Variants in TULP4 observed in about 807,000 individuals in gnomAD.
TULP4 encodes TUB like protein 4.
In TULP4, 16 loss-of-function variants were observed where a neutral mutation model predicts 129.0. The ratio of observed to expected loss-of-function variants is 0.12; its 90% CI spans 0.08 to 0.19. The LOEUF (loss-of-function observed/expected upper bound fraction) is 0.19, where lower values mean the gene tolerates loss of function less well. TULP4 is among the 10% of genes least tolerant of loss of function. The probability of loss-of-function intolerance (pLI) is 1.00; values close to 1 mark genes in which losing one functional copy is unlikely to be tolerated. For missense variants in TULP4, 1,842 were observed against 2,059.1 expected (o/e 0.89, Z 2.04); for synonymous variants, 998 against 854.0 (o/e 1.17, Z -2.94).
At chr6:158,411,761 G>T (rs1320803858) in intron 1 of TULP4, among the ~76,000 whole-genome samples, 1 of 152,148 alleles carries the variant, frequency 6.6e-6, no homozygotes, top group Non-Finnish European at 1.5e-5. Flanking sequence ...CTAAAATCAG[G>T]TGTGTCCATG....
intron 1 of TULP4, among the ~76,000 whole-genome samples, chr6:158,255,199 G>A (rs1490809203): frequency 6.6e-6 from 1 of 152,178 alleles, no homozygotes; most frequent in African/African-American, 2.4e-5. Context: ...GGTGTTGCTG[G>A]AGGGGGCTTT....
At chr6:158,235,284 C>T (rs1732949812) in intron 1 of TULP4, among the ~76,000 whole-genome samples, 1 of 152,118 alleles carries the variant, frequency 6.6e-6, no homozygotes, top group Admixed American at 6.5e-5. Flanking sequence ...TGTTCAGATT[C>T]CCAAACTGAA....
chr6:158,315,911 C>G (rs530741755), intron 1 of TULP4, among the ~76,000 whole-genome samples: 1 of 152,348 alleles, frequency 6.6e-6, no homozygotes, highest in African/African-American at 2.4e-5. Flanking sequence ...GGTCCCACCT[C>G]TTGATACCAC....
At chr6:158,346,144 C>T (rs543489702) in intron 1 of TULP4, among the ~76,000 whole-genome samples, 1 of 152,238 alleles carries the variant, frequency 6.6e-6, no homozygotes, top group African/African-American at 2.4e-5. Context: ...TTTCAAGGTG[C>T]ACTGATTTCA....
intron 1 of TULP4, among the ~76,000 whole-genome samples, chr6:158,298,800 A>G (rs1288243836): frequency 6.6e-6 from 1 of 152,208 alleles, no homozygotes; most frequent in Non-Finnish European, 1.5e-5. Context: ...ACTGAGGGAG[A>G]GGAGCGGCAG....
chr6:158,378,485 T>TTTTGG (rs1554285635), intron 1 of TULP4, among the ~76,000 whole-genome samples: 15 of 51,402 alleles, frequency 2.9e-4, no homozygotes, highest in Non-Finnish European at 4.7e-4. Context: ...TTTTTTTTTT[T>TTTTGG]GGTGGGGGTG....
intron 3 of TULP4, among the ~76,000 whole-genome samples, chr6:158,441,859 G>A (rs1470040950): frequency 6.6e-6 from 1 of 152,126 alleles, no homozygotes; most frequent in Non-Finnish European, 1.5e-5. Flanking sequence ...GCTCTCTTAC[G>A]TTCCTGCCTG....
chr6:158,275,433 A>C (rs1437899593), intron 1 of TULP4, among the ~76,000 whole-genome samples: 5 of 152,204 alleles, frequency 3.3e-5, no homozygotes, highest in Admixed American at 6.5e-5. Context: ...GGGAGATGGT[A>C]ATCTTCAAGG....
intron 1 of TULP4, among the ~76,000 whole-genome samples, chr6:158,331,780 C>CGTGT (rs1450332063): frequency 1.8e-4 from 8 of 45,390 alleles, no homozygotes; most frequent in African/African-American, 2.6e-4. Flanking sequence ...CGTATATATA[C>CGTGT]ACACACACAT....
intron 6 of TULP4, among the ~76,000 whole-genome samples, chr6:158,477,288 G>A (rs910171374): frequency 2.0e-5 from 3 of 152,132 alleles, no homozygotes; most frequent in Admixed American, 6.6e-5. Context: ...AGCAGAACTA[G>A]GAGGGAGGAG....
intron 11 of TULP4, among the ~76,000 whole-genome samples, chr6:158,495,111 A>G (rs555525497): frequency 1.1e-3 from 168 of 151,612 alleles, no homozygotes; most frequent in Admixed American, 2.5e-3. Flanking sequence ...GCTGGAGTAT[A>G]GTGACACGAT....
chr6:158,434,096 T>C (rs1281254340), intron 3 of TULP4, among the ~76,000 whole-genome samples: 1 of 152,206 alleles, frequency 6.6e-6, no homozygotes, highest in Non-Finnish European at 1.5e-5. Context: ...TCTCTTCCTC[T>C]TCCTGTAAGG....
chr6:158,232,394 T>G (rs1777612860), intron 1 of TULP4: 1 of 145,160 alleles, frequency 6.9e-6, no homozygotes, highest in Non-Finnish European at 1.5e-5. Flanking sequence ...CGGGCGTGTG[T>G]GCCCCTGCGG....
At chr6:158,237,846 T>C in intron 1 of TULP4, 1 of 754,814 alleles carries the variant, frequency 1.3e-6, no homozygotes, top group Non-Finnish European at 2.5e-6. Context: ...GAGCTGTGCC[T>C]TTCTCTGGAT....
At chr6:158,366,203 G>A (rs747359230) in intron 1 of TULP4, among the ~76,000 whole-genome samples, 39 of 152,090 alleles carry the variant, frequency 2.6e-4, no homozygotes, top group African/African-American at 3.6e-4. Context: ...GCGCCTGGCC[G>A]TCAGTCTTTC....
upstream of TULP4, among the ~76,000 whole-genome samples, chr6:158,310,854 A>G (rs1245763703): frequency 1.3e-5 from 2 of 152,172 alleles, no homozygotes; most frequent in African/African-American, 2.4e-5. Context: ...TGTACCTACT[A>G]TTTTGGGACA....
intron 3 of TULP4, among the ~76,000 whole-genome samples, chr6:158,435,512 G>A (rs1003586091): frequency 2.6e-5 from 4 of 151,892 alleles, no homozygotes; most frequent in African/African-American, 4.8e-5. Flanking sequence ...CTCCCTCCCC[G>A]GCTCTTACAT....
intron 1 of TULP4, among the ~76,000 whole-genome samples, chr6:158,275,283 A>T (rs1583696251): frequency 6.6e-6 from 1 of 152,038 alleles, no homozygotes; most frequent in South Asian, 2.1e-4. Flanking sequence ...ACGGTGTTTG[A>T]ACTTCATGAG....
chr6:158,478,844 T>C (rs964762430), intron 6 of TULP4, among the ~76,000 whole-genome samples: 1 of 152,190 alleles, frequency 6.6e-6, no homozygotes, highest in Non-Finnish European at 1.5e-5. Context: ...CATATTTGCA[T>C]TTTGGCCTGC....
Sources: allele counts gnomAD v4.1 joint callset (sites outside exome capture counted in the v4.1 genomes callset), GRCh38; gene constraint gnomAD v4.1.1; transcripts MANE v1.5; gene names NCBI Gene and HGNC (gene_info 2026-07-23, HGNC 2026-07-21).